The following SLC39A10 variants were observed in gnomAD, a reference collection of about 807,000 sequenced individuals.
SLC39A10 encodes solute carrier family 39 member 10, also known as zinc transporter ZIP10.
Under a neutral mutation model 65.1 loss-of-function variants are expected in SLC39A10, and 13 were observed. That is an observed-to-expected ratio of 0.20 (90% confidence interval 0.13 to 0.32). SLC39A10 has a LOEUF of 0.32. SLC39A10 is among the 10% of genes least tolerant of loss of function. The probability of loss-of-function intolerance (pLI) is 1.00; values close to 1 mark genes in which losing one functional copy is unlikely to be tolerated. For missense variants in SLC39A10, 831 were observed against 1,018.4 expected (o/e 0.82, Z 2.50); for synonymous variants, 321 against 342.2 (o/e 0.94, Z 0.68).
intron 3 of SLC39A10, among the ~76,000 whole-genome samples, chr2:195,702,751 G>A (rs1049072438): frequency 6.6e-6 from 1 of 152,202 alleles, no homozygotes; most frequent in African/African-American, 2.4e-5. Flanking sequence ...CTTGTCTACA[G>A]CTGATCTGGG....
At chr2:195,707,163 C>T (rs766333218) in intron 4 of SLC39A10, among the ~76,000 whole-genome samples, 34 of 152,130 alleles carry the variant, frequency 2.2e-4, no homozygotes, top group Non-Finnish European at 4.4e-4. Flanking sequence ...CGGGAGTAGG[C>T]AGATACACTC....
chr2:195,665,563 T>G (rs1215396862), intron 1 of SLC39A10, among the ~76,000 whole-genome samples: 1 of 152,222 alleles, frequency 6.6e-6, no homozygotes, highest in East Asian at 1.9e-4. Flanking sequence ...ATTTTATTGG[T>G]TTGTCAACTA....
intron 7 of SLC39A10, 64 bp downstream of exon 7, chr2:195,717,069 T>C: frequency 6.5e-7 from 1 of 1,540,256 alleles, no homozygotes; most frequent in Non-Finnish European, 8.7e-7. Flanking sequence ...TGATTAAATT[T>C]GGCTGGAGCT....
At chr2:195,619,830 G>A (rs983175565) in intron 2 of SLC39A10, among the ~76,000 whole-genome samples, 4 of 151,684 alleles carry the variant, frequency 2.6e-5, no homozygotes, top group Non-Finnish European at 5.9e-5. Context: ...ATTAGCCTCC[G>A]CCTGCCAGTC....
At chr2:195,661,743 TTAA>T (rs999245610) in intron 1 of SLC39A10, among the ~76,000 whole-genome samples, 44 of 152,342 alleles carry the variant, frequency 2.9e-4, no homozygotes, top group African/African-American at 1.1e-3. Context: ...TATTTTTATG[TTAA>T]AAGATGTTAG....
At chr2:195,641,496 A>G (rs1574213583) in intron 2 of SLC39A10, among the ~76,000 whole-genome samples, 1 of 152,182 alleles carries the variant, frequency 6.6e-6, no homozygotes, top group Non-Finnish European at 1.5e-5. Context: ...ATTTAGCCCA[A>G]TGTACTTAAA....
At position 195,709,193 on chromosome 2, in the gene SLC39A10, TTGTATGTA is replaced by T. The variant is rs59346406; in HGVS notation, c.1575+395_1575+402del. ...GCACATGCCACCATGCCCAGCTAACTTGTATGTATGTATGTATGTATGTATGTATGTAT... is the reference window on the plus strand; with the variant it reads ...GCACATGCCACCATGCCCAGCTAACTTGTATGTATGTATGTATGTATGTAT... On this transcript the variant is annotated intron_variant, in intron 5 of 9. Transcript: ENST00000359634. Among the ~76,000 whole-genome samples the T allele has an allele frequency of 6.5e-3, 936 of 144,936 alleles. 1 individual carries two copies. Among genetic ancestry groups the T allele is most frequent in the East Asian group, 0.011 (55 of 4,872 alleles).
chr2:195,684,220 CTAAA>C (rs1690439565), intron 3 of SLC39A10, among the ~76,000 whole-genome samples: 1 of 151,924 alleles, frequency 6.6e-6, no homozygotes, highest in Non-Finnish European at 1.5e-5. Flanking sequence ...ATGGGACCCC[CTAAA>C]TAAAGTTATT....
chr2:195,673,105 A>G (rs751356992), intron 1 of SLC39A10, among the ~76,000 whole-genome samples: 6 of 152,232 alleles, frequency 3.9e-5, no homozygotes, highest in Non-Finnish European at 5.9e-5. Flanking sequence ...AAAAATGCTT[A>G]ACCTATATAT....
intron 1 of SLC39A10, among the ~76,000 whole-genome samples, chr2:195,658,791 A>T (rs1461361471): frequency 6.9e-6 from 1 of 144,154 alleles, no homozygotes; most frequent in Non-Finnish European, 1.6e-5. Context: ...TGGTTACTCC[A>T]GTGGCTCCTT....
intron 8 of SLC39A10, among the ~76,000 whole-genome samples, chr2:195,724,456 A>C (rs1390573947): frequency 3.3e-5 from 5 of 152,226 alleles, no homozygotes; most frequent in Non-Finnish European, 5.9e-5. Context: ...ACCTGAGATA[A>C]GACTACAACC....
chr2:195,657,201 T>G (rs1291275009), upstream of SLC39A10: 1 of 182,350 alleles, frequency 5.5e-6, no homozygotes, highest in Non-Finnish European at 1.0e-5. Context: ...TAGCGCAGTC[T>G]GCTTTGGTGA....
At chr2:195,635,099 C>T (rs542987296) in intron 2 of SLC39A10, among the ~76,000 whole-genome samples, 49 of 152,220 alleles carry the variant, frequency 3.2e-4, no homozygotes, top group Non-Finnish European at 6.2e-4. Context: ...AGAACACTGA[C>T]ATCAATTTGC....
upstream of SLC39A10, among the ~76,000 whole-genome samples, chr2:195,654,341 G>A (rs1427241586): frequency 5.9e-5 from 9 of 152,160 alleles, no homozygotes; most frequent in Non-Finnish European, 1.5e-5. Flanking sequence ...TTTATGACAT[G>A]GACTTCCTTC....
Position 195,662,042 on chromosome 2 carries a change from G to A in SLC39A10, c.-12+4761G>A, listed in dbSNP as rs545928264. ...AGATTTTTAGGGATTAGAAAAGCAAGAATGTTGTAGGATGTATCCTTATTA... is the reference window on the plus strand; with the variant it reads ...AGATTTTTAGGGATTAGAAAAGCAAAAATGTTGTAGGATGTATCCTTATTA... On this transcript the variant is annotated intron_variant, in intron 1 of 9. Coordinates refer to ENST00000359634, the MANE Select transcript of SLC39A10 (RefSeq NM_020342.3). Among the ~76,000 whole-genome samples the A allele has an allele frequency of 2.7e-4, 41 of 152,294 alleles. 1 individual carries two copies. The highest frequency in any genetic ancestry group is 9.9e-4 in the African/African-American group (41 of 41,556).
At chr2:195,690,874 G>GT (rs1362643597) in intron 3 of SLC39A10, among the ~76,000 whole-genome samples, 3 of 151,898 alleles carry the variant, frequency 2.0e-5, no homozygotes, top group African/African-American at 4.8e-5. Context: ...ATTTCAATAG[G>GT]TTTTTTGGGG....
intron 3 of SLC39A10, among the ~76,000 whole-genome samples, chr2:195,694,818 AG>A (rs2105792409): frequency 6.6e-6 from 1 of 152,252 alleles, no homozygotes; most frequent in South Asian, 2.1e-4. Flanking sequence ...AGCTCCCAAG[AG>A]ATTATGTCCT....
intron 2 of SLC39A10, among the ~76,000 whole-genome samples, chr2:195,622,972 CAAAAAAAAA>C (rs11440347): frequency 5.2e-5 from 5 of 96,862 alleles, no homozygotes; most frequent in Admixed American, 1.1e-4. Flanking sequence ...ACTCCTGTCT[CAAAAAAAAA>C]AAAAAAAAAA....
At chr2:195,689,917 C>CTA (rs1267600049) in intron 3 of SLC39A10, among the ~76,000 whole-genome samples, 1 of 152,114 alleles carries the variant, frequency 6.6e-6, no homozygotes, top group Non-Finnish European at 1.5e-5. Context: ...TGGCTCACGC[C>CTA]TATAATCCCA....
Sources: allele counts gnomAD v4.1 joint callset (sites outside exome capture counted in the v4.1 genomes callset), GRCh38; gene constraint gnomAD v4.1.1; transcripts MANE v1.5; gene names NCBI Gene and HGNC (gene_info 2026-07-23, HGNC 2026-07-21).